Variants in TJP3 observed in about 807,000 individuals in gnomAD.
The protein encoded by TJP3 is tight junction protein 3, also known as tight junction protein ZO-3.
TJP3 carries 85 observed loss-of-function variants against 104.2 expected under a neutral mutation model. That is an observed-to-expected ratio of 0.82 (90% CI 0.68 to 0.98). The LOEUF (loss-of-function observed/expected upper bound fraction) is 0.98, where lower values mean the gene tolerates loss of function less well. Among genes scored for constraint, TJP3 ranks in the 50% least tolerant of loss-of-function variants. The pLI is 0.00. For missense variants in TJP3, 1,367 were observed against 1,322.8 expected, an observed-to-expected ratio of 1.03 and a Z score of -0.52; for synonymous variants, 550 against 550.6, an observed-to-expected ratio of 1.00 and a Z score of 0.02.
intron 1 of TJP3, among the ~76,000 whole-genome samples, chr19:3,723,149 A>G (rs1158095481): frequency 6.6e-6 from 1 of 152,192 alleles, no homozygotes; most frequent in East Asian, 1.9e-4. Context: ...ATGGGGTCCC[A>G]GGGGCCCATC....
chr19:3,734,454 C>A lies in TJP3; in HGVS notation c.986+19C>A. The A allele has an allele frequency of 1.3e-6, 2 of 1,584,788 alleles. No individual in the cohort carries two copies. On this transcript the variant is annotated intron_variant, in intron 8 of 20. Coordinates refer to ENST00000541714, the MANE Select transcript of TJP3 (RefSeq NM_001267560.2). The stretch of plus-strand genomic sequence containing the variant: ...CTCCCGTGTAAGTATCACCCATCGG[C>A]CAGAATGGTGATAGGGAGGGAGAGG...
chr19:3,709,342 C>A (rs1030364654), intron 1 of TJP3, among the ~76,000 whole-genome samples: 4 of 152,124 alleles, frequency 2.6e-5, no homozygotes, highest in African/African-American at 9.7e-5. Flanking sequence ...GTGATCCAAC[C>A]CCCTCGGCCT....
At chr19:3,725,061 G>A (rs2036583216) in intron 1 of TJP3, among the ~76,000 whole-genome samples, 1 of 152,104 alleles carries the variant, frequency 6.6e-6, no homozygotes, top group Non-Finnish European at 1.5e-5. Flanking sequence ...AGGAATTTGA[G>A]ACCAGCTTGG....
intron 1 of TJP3, among the ~76,000 whole-genome samples, chr19:3,724,257 A>G (rs1287315161): frequency 6.6e-6 from 1 of 151,144 alleles, no homozygotes; most frequent in Non-Finnish European, 1.5e-5. Flanking sequence ...GTGCAGTGGC[A>G]CAATCTTGGC....
intron 1 of TJP3, among the ~76,000 whole-genome samples, chr19:3,710,812 G>A (rs1409638464): frequency 6.6e-6 from 1 of 152,158 alleles, no homozygotes; most frequent in Non-Finnish European, 1.5e-5. Flanking sequence ...ATATTTTGGT[G>A]GGGAAAGACA....
intron 6 of TJP3, among the ~76,000 whole-genome samples, chr19:3,732,742 C>T (rs1239823927): frequency 6.6e-6 from 1 of 152,146 alleles, no homozygotes; most frequent in Non-Finnish European, 1.5e-5. Context: ...CTCCTGACCT[C>T]AGGTGATCCC....
intron 1 of TJP3, among the ~76,000 whole-genome samples, chr19:3,719,691 G>T (rs549927175): frequency 6.8e-6 from 1 of 147,402 alleles, no homozygotes; most frequent in East Asian, 2.0e-4. Context: ...AGCCGAGATC[G>T]TGCCTGCAGT....
chr19:3,726,810 C>A (rs1278402837), intron 1 of TJP3, among the ~76,000 whole-genome samples: 2 of 150,888 alleles, frequency 1.3e-5, no homozygotes, highest in African/African-American at 4.9e-5. Flanking sequence ...CTGCAGTGAG[C>A]CATAATGGCT....
At position 3,738,612 on chromosome 19, in the gene TJP3, G is replaced by C. The variant is rs772485070; in HGVS notation, c.1342G>C (p.Gly448Arg). 3.7e-6 allele frequency: 6 copies of C among 1,613,834 alleles called. No homozygotes were observed. The highest frequency in any genetic ancestry group is 5.1e-6 in the Non-Finnish European group (6 of 1,179,994). The change falls in exon 12 of 21, where the codon GGG becomes CGG. Residue 448 changes from glycine (G) to arginine (R), a missense_variant. By Grantham distance (125) the Gly-to-Arg change is moderately radical. Transcript: ENST00000541714. ...TREEAVQFLL[G>R]LPPGEEMELV... ...GGAGGAGGCAGTGCAGTTCCTGCTG[G>C]GGCTGCCACCAGGCGAGGAGATGGA...
chr19:3,740,414 A>G, intron 13 of TJP3, 138 bp from the exon 14 acceptor site: 1 of 424,208 alleles, frequency 2.4e-6, no homozygotes, highest in Non-Finnish European at 4.0e-6. Flanking sequence ...TAATAATAGT[A>G]ATAATAATCC....
In TJP3 at chr19:3,739,029, A is replaced by T. The variant is rs1165722465; in HGVS notation, c.1526A>T (p.His509Leu). 3.1e-6 allele frequency: 5 copies of T among 1,612,112 alleles called. No homozygotes were observed. In the South Asian group the frequency reaches 5.5e-5, roughly 18 times the overall value. Residue 509 changes from histidine to leucine, a missense_variant, in exon 13 of 21, where the codon CAC becomes CTC. By Grantham distance (99) the His-to-Leu change is moderately conservative (BLOSUM62 -3). Coordinates refer to ENST00000541714, the MANE Select transcript of TJP3 (RefSeq NM_001267560.2). ...GTCTTCCACGTGCTGGACACGCTGC[A>T]CCCCGGCCCCGGGCAGAGCCACGCA... is the stretch of plus-strand genomic sequence containing the variant. ...GDVFHVLDTL[H>L]PGPGQSHARG...
intron 10 of TJP3, 111 bp from the exon 11 acceptor site, chr19:3,736,054 G>A: frequency 6.4e-6 from 10 of 1,554,522 alleles, no homozygotes; most frequent in Non-Finnish European, 8.8e-6. Flanking sequence ...TTAAGTGGGG[G>A]TTTTGGGGAA....
chr19:3,741,653 C>G lies in TJP3; in HGVS notation c.1843+890C>G, dbSNP rs1270787294. 4.8e-5 allele frequency among the ~76,000 whole-genome samples: 7 copies of G among 144,694 alleles called. No individual in the cohort carries two copies. The East Asian group carries it at 1.5e-3, about 30-fold the overall frequency. 94.9% of individuals were successfully genotyped at this position (144,694 alleles called of 152,430 possible). Reference sequence around the variant, plus strand: ...AAGAAAAAAAAAAAAAAGCATGTTTCTAACCACTCTCCTTCTATCAAAAAT... The same window carrying G: ...AAGAAAAAAAAAAAAAAGCATGTTTGTAACCACTCTCCTTCTATCAAAAAT... On this transcript the variant is annotated intron_variant, in intron 14 of 20. Transcript: ENST00000541714.
At chr19:3,716,166 G>A (rs1439524692) in intron 1 of TJP3, among the ~76,000 whole-genome samples, 1 of 147,666 alleles carries the variant, frequency 6.8e-6, no homozygotes, top group Non-Finnish European at 1.5e-5. Flanking sequence ...TCTGCCTCCC[G>A]GGTTCAAGTG....
chr19:3,745,931 A>AG, intron 15 of TJP3, 80 bp from the exon 16 acceptor site: 3 of 1,196,220 alleles, frequency 2.5e-6, no homozygotes, highest in Non-Finnish European at 3.6e-6. Flanking sequence ...CTTCTTGAGC[A>AG]GGGGAGGGGC....
At chr19:3,721,093 C>G (rs73525305) in intron 1 of TJP3, among the ~76,000 whole-genome samples, 5,885 of 151,898 alleles carry the variant, frequency 0.039, 373 homozygotes, top group African/African-American at 0.13. Context: ...TAGAGACAGA[C>G]GTTTCACCAT....
intron 1 of TJP3, among the ~76,000 whole-genome samples, chr19:3,721,435 C>A (rs2036540899): frequency 6.6e-6 from 1 of 152,220 alleles, no homozygotes; most frequent in Admixed American, 6.5e-5. Flanking sequence ...ATCCAAGAGG[C>A]CTCCCAGATG....
chr19:3,740,602 G>C lies in TJP3; in HGVS notation c.1682G>C (p.Gly561Ala). Residue 561 changes from glycine to alanine, a missense_variant, in exon 14 of 21, where the codon GGG becomes GCG. Gly to Ala is a moderately conservative substitution (Grantham distance 60, BLOSUM62 0). Transcript: ENST00000541714. Reference protein sequence around the residue: ...LEAAQRAVGVGPGSSAGSNAR... With the variant: ...LEAAQRAVGVAPGSSAGSNAR... ...GCTGCCCAGAGGGCCGTGGGAGTCGGGCCCGGCTCCTCCGCGGGCTCCAAT... is the reference window on the plus strand; with the variant it reads ...GCTGCCCAGAGGGCCGTGGGAGTCGCGCCCGGCTCCTCCGCGGGCTCCAAT... The C allele has an allele frequency of 6.4e-7, 1 of 1,557,450 alleles. No homozygotes were observed. The highest frequency in any genetic ancestry group is 8.7e-7 in the Non-Finnish European group (1 of 1,153,882).
rs1345271730 is a variant in TJP3 at position 3,730,502 on chromosome 19, G to A, written c.409G>A (p.Gly137Ser). ...GGGCTATGACGGCGACTCATCCAGT[G>A]GCTCCGGCCGCTCCTGGGACGAGCG... is the stretch of plus-strand genomic sequence containing the variant. ...GRGYDGDSSS[G>S]SGRSWDERSR... The change falls in exon 5 of 21, where the codon GGC becomes AGC. Residue 137 changes from glycine (G) to serine (S), a missense_variant. Gly to Ser is a moderately conservative substitution (Grantham distance 56). Transcript: ENST00000541714. This position sits in a 1 kb window ranked among gnomAD's most constrained non-coding sequence, Gnocchi z 7.3. 2.5e-6 allele frequency: 4 copies of A among 1,587,062 alleles called. No individual in the cohort carries two copies. The South Asian group carries it at 3.4e-5, about 13-fold the overall frequency.
Sources: allele counts gnomAD v4.1 joint callset (sites outside exome capture counted in the v4.1 genomes callset), GRCh38; gene constraint gnomAD v4.1.1; non-coding constraint Gnocchi (gnomAD v3.1); transcripts MANE v1.5; gene names NCBI Gene and HGNC (gene_info 2026-07-23, HGNC 2026-07-21).